TAOK1: variants seen among roughly 807,000 people sequenced by gnomAD.
TAOK1 encodes the protein TAO kinase 1, also known as serine/threonine-protein kinase TAO1.
TAOK1 carries 21 observed loss-of-function variants against 138.3 expected under a neutral mutation model. That is an observed-to-expected ratio of 0.15 (90% CI 0.11 to 0.22). TAOK1 has a LOEUF of 0.22. TAOK1 is among the 10% of genes least tolerant of loss of function. TAOK1 has a pLI of 1.00. For synonymous variants in TAOK1, 361 were observed against 398.4 expected, an observed-to-expected ratio of 0.91 and a Z score of 1.12; for missense variants, 651 against 1,227.7, an observed-to-expected ratio of 0.53 and a Z score of 7.02.
At chr17:29,433,061 G>A (rs1905901343) in intron 1 of TAOK1, among the ~76,000 whole-genome samples, 1 of 152,152 alleles carries the variant, frequency 6.6e-6, no homozygotes, top group Non-Finnish European at 1.5e-5. Context: ...AGTCTCCAGG[G>A]CCTTACCATA....
At chr17:29,540,190 C>A (rs2032292823) in intron 19 of TAOK1, among the ~76,000 whole-genome samples, 1 of 152,128 alleles carries the variant, frequency 6.6e-6, no homozygotes, top group African/African-American at 2.4e-5. Context: ...ATTAAAGAGG[C>A]ATTAGGCATT....
intron 19 of TAOK1, among the ~76,000 whole-genome samples, chr17:29,536,849 A>G (rs943977841): frequency 7.9e-5 from 12 of 151,352 alleles, no homozygotes; most frequent in African/African-American, 2.9e-4. Context: ...ACAGGTGCCC[A>G]CCACCACACC....
chr17:29,520,894 C>T (rs2031903298), intron 16 of TAOK1, among the ~76,000 whole-genome samples: 1 of 151,822 alleles, frequency 6.6e-6, no homozygotes, highest in South Asian at 2.1e-4. Flanking sequence ...CGTGGTGGCA[C>T]ATGCCTGTAG....
intron 8 of TAOK1, among the ~76,000 whole-genome samples, chr17:29,483,344 G>C (rs995189982): frequency 6.6e-6 from 1 of 152,044 alleles, no homozygotes; most frequent in South Asian, 2.1e-4. Flanking sequence ...TCCCGCAGTG[G>C]GGGGATTTCA....
At chr17:29,542,260 T>C (rs1177729411) in intron 19 of TAOK1, among the ~76,000 whole-genome samples, 3 of 151,978 alleles carry the variant, frequency 2.0e-5, no homozygotes, top group Non-Finnish European at 2.9e-5. Flanking sequence ...TGAGTGAGGG[T>C]TGAAAAATTA....
rs910446709 is a variant in TAOK1 at position 29,548,981 on chromosome 17, T to C, written c.*5959T>C. 1 of 152,192 alleles carries C rather than the reference T, an allele frequency of 6.6e-6. No homozygotes were observed. Among genetic ancestry groups the C allele is most frequent in the African/African-American group, 2.4e-5 (1 of 41,454 alleles). The allele number at this position is 152,192 out of a possible 1,614,324, so 9.4% of individuals were successfully genotyped here. On this transcript the variant is annotated 3_prime_UTR_variant, in exon 20 of 20. Coordinates refer to ENST00000261716, the MANE Select transcript of TAOK1 (RefSeq NM_020791.4). ...ATGATCACATGTCCTCAATCATGAA[T>C]GAGGTAGGGAGCCTCTCTCCCCCAG... is the stretch of plus-strand genomic sequence containing the variant.
chr17:29,462,695 A>G (rs1306874697), intron 2 of TAOK1, among the ~76,000 whole-genome samples: 1 of 152,212 alleles, frequency 6.6e-6, no homozygotes, highest in Non-Finnish European at 1.5e-5. Flanking sequence ...TTTATATATA[A>G]TTAATTGATG....
intron 2 of TAOK1, among the ~76,000 whole-genome samples, chr17:29,465,878 A>G (rs1326004039): frequency 8.8e-6 from 1 of 113,266 alleles, no homozygotes; most frequent in South Asian, 2.6e-4. Context: ...ATTTTCCACA[A>G]CAGTATTAAA....
At chr17:29,481,546 C>A (rs936126332) in intron 7 of TAOK1, among the ~76,000 whole-genome samples, 1 of 151,948 alleles carries the variant, frequency 6.6e-6, no homozygotes, top group East Asian at 1.9e-4. Flanking sequence ...AACCACTGGC[C>A]TAAAGTATAT....
chr17:29,535,141 A>C (rs778228371), intron 19 of TAOK1, among the ~76,000 whole-genome samples: 1 of 151,220 alleles, frequency 6.6e-6, no homozygotes, highest in Non-Finnish European at 1.5e-5. Context: ...GGGAGACCCT[A>C]TCTCTACAAA....
chr17:29,477,464 A>G (rs2030969758), intron 4 of TAOK1, among the ~76,000 whole-genome samples, 197 bp from the exon 5 acceptor site: 1 of 151,770 alleles, frequency 6.6e-6, no homozygotes, highest in African/African-American at 2.4e-5. Flanking sequence ...CTGAATACAT[A>G]ACTATTTTTT....
intron 3 of TAOK1, among the ~76,000 whole-genome samples, chr17:29,468,918 A>G (rs777040907): frequency 9.9e-5 from 15 of 152,230 alleles, no homozygotes; most frequent in Non-Finnish European, 1.6e-4. Context: ...ACATGAATGT[A>G]TATCTAGTCT....
chr17:29,453,768 G>T (rs1304249632), intron 2 of TAOK1, among the ~76,000 whole-genome samples: 1 of 150,282 alleles, frequency 6.7e-6, no homozygotes, highest in Non-Finnish European at 1.5e-5. Context: ...TTTATATATG[G>T]TGTGAGGTAG....
chr17:29,468,167 C>T (rs113034496), intron 3 of TAOK1, among the ~76,000 whole-genome samples: 25 of 49,816 alleles, frequency 5.0e-4, no homozygotes, highest in East Asian at 3.3e-3. Context: ...GCTGGAGTCT[C>T]ACTCTGCTGC....
Position 29,494,772 on chromosome 17 carries a change from G to A in TAOK1, c.832-788G>A, listed in dbSNP as rs2031377617. ...ACCCGGGAGGCAGAGGTTGCAGTGA[G>A]CCGCAATCGCGCCACTGCACTCCAG... On this transcript the variant is annotated intron_variant, in intron 10 of 19. Transcript: ENST00000261716. 2.1e-5 allele frequency among the ~76,000 whole-genome samples: 3 copies of A among 145,264 alleles called. No homozygotes were observed. In the South Asian group the frequency reaches 6.5e-4, roughly 31 times the overall value.
chr17:29,515,343 C>T (rs2031796081), intron 15 of TAOK1, among the ~76,000 whole-genome samples: 3 of 152,108 alleles, frequency 2.0e-5, no homozygotes, highest in South Asian at 2.1e-4. Flanking sequence ...CTAGTTCACT[C>T]GTGATTTTTA....
intron 13 of TAOK1, among the ~76,000 whole-genome samples, chr17:29,504,036 G>A (rs917372348): frequency 7.9e-5 from 12 of 151,518 alleles, no homozygotes; most frequent in African/African-American, 2.2e-4. Context: ...GCTTGAACCC[G>A]GGAGGCGGAG....
At chr17:29,414,552 A>G (rs576806130) in intron 1 of TAOK1, among the ~76,000 whole-genome samples, 269 of 127,978 alleles carry the variant, frequency 2.1e-3, no homozygotes, top group Non-Finnish European at 3.2e-3. Flanking sequence ...GTCCAGCCCA[A>G]TACTTTATTT....
intron 14 of TAOK1, among the ~76,000 whole-genome samples, chr17:29,510,501 C>A (rs1009698846): frequency 2.0e-5 from 3 of 152,068 alleles, no homozygotes; most frequent in Non-Finnish European, 2.9e-5. Flanking sequence ...TGTAAATATT[C>A]TACAATGAAC....
Sources: gnomAD v4.1 joint callset for allele counts (sites outside exome capture counted in the v4.1 genomes callset) on GRCh38, gnomAD v4.1.1 for gene constraint, MANE v1.5 for transcripts, NCBI Gene and HGNC (gene_info 2026-07-23, HGNC 2026-07-21) for gene names.